ITGBL1: variants seen among roughly 807,000 people sequenced by gnomAD.
ITGBL1 encodes integrin subunit beta like 1, also known as integrin beta-like protein 1.
Under a neutral mutation model 68.5 loss-of-function variants are expected in ITGBL1, and 51 were observed. That is an observed-to-expected ratio of 0.74 (90% CI 0.59 to 0.94). ITGBL1 has a LOEUF of 0.94. Ranked by LOEUF, ITGBL1 falls within the 40% of genes least tolerant of loss-of-function variation. ITGBL1 has a pLI of 0.00. For synonymous variants in ITGBL1, 209 were observed against 227.3 expected, an observed-to-expected ratio of 0.92 and a Z score of 0.72; for missense variants, 649 against 647.4, an observed-to-expected ratio of 1.00 and a Z score of -0.03.
At chr13:101,574,533 C>A (rs889958830) in intron 3 of ITGBL1, among the ~76,000 whole-genome samples, 3 of 152,094 alleles carry the variant, frequency 2.0e-5, no homozygotes, top group African/African-American at 7.2e-5. Context: ...TTATGGCTGA[C>A]TTGATTCCCG....
intron 2 of ITGBL1, among the ~76,000 whole-genome samples, chr13:101,466,917 G>A (rs1450360777): frequency 6.6e-6 from 1 of 152,150 alleles, no homozygotes; most frequent in African/African-American, 2.4e-5. Flanking sequence ...ACCCTAGACT[G>A]AGTAATTTAG....
At chr13:101,712,353 T>C (rs1014282958) in intron 9 of ITGBL1, 9 of 152,226 alleles carry the variant, frequency 5.9e-5, no homozygotes, top group African/African-American at 2.2e-4. Flanking sequence ...ACTCATCAAA[T>C]GTTCTATCCA....
chr13:101,707,428 A>T (rs9557728), intron 9 of ITGBL1, among the ~76,000 whole-genome samples: 1 of 152,208 alleles, frequency 6.6e-6, no homozygotes, highest in Admixed American at 6.5e-5. Flanking sequence ...TAATTTTTTT[A>T]AAAAGGAAAG....
At chr13:101,606,591 A>G (rs1368190563) in intron 7 of ITGBL1, among the ~76,000 whole-genome samples, 2 of 46,332 alleles carry the variant, frequency 4.3e-5, no homozygotes, top group African/African-American at 1.8e-4. Context: ...CCTGAGCATC[A>G]GTTTGACTTT....
rs2050205583 is a variant in ITGBL1 at position 101,567,786 on chromosome 13, CA to C, written c.407del (p.Lys136ArgfsTer51). 2.5e-6 allele frequency: 4 copies of C among 1,613,204 alleles called. No individual in the cohort carries two copies. Among genetic ancestry groups the C allele is most frequent in the Non-Finnish European group, 3.4e-6 (4 of 1,179,456 alleles). On this transcript the variant is annotated frameshift_variant, in exon 3 of 11. Transcript: ENST00000376180. LOFTEE classifies it high-confidence loss of function. Reference sequence around the variant, plus strand: ...CAGTACCCAACTAACTGTGACTTGACAAAGAAGAAAAGTAACCAAATGTGCA... The same window carrying C: ...CAGTACCCAACTAACTGTGACTTGACAAGAAGAAAAGTAACCAAATGTGCA... ...ACQYPTNCDL[T>X]KKKSNQMCKN...
At chr13:101,500,675 G>A (rs1432559325) in intron 2 of ITGBL1, among the ~76,000 whole-genome samples, 1 of 152,140 alleles carries the variant, frequency 6.6e-6, no homozygotes, top group Non-Finnish European at 1.5e-5. Flanking sequence ...CATTTTTCCT[G>A]CACTTTCATG....
At chr13:101,620,212 A>G (rs2031530460) in intron 7 of ITGBL1, among the ~76,000 whole-genome samples, 1 of 152,138 alleles carries the variant, frequency 6.6e-6, no homozygotes, top group Admixed American at 6.6e-5. Flanking sequence ...AGATAAGTAG[A>G]TTCACATTTT....
At chr13:101,488,753 TG>T (rs1258761719) in intron 2 of ITGBL1, among the ~76,000 whole-genome samples, 1 of 152,182 alleles carries the variant, frequency 6.6e-6, no homozygotes, top group Non-Finnish European at 1.5e-5. Context: ...TGGAATTTTT[TG>T]TTTATGTGTG....
intron 2 of ITGBL1, among the ~76,000 whole-genome samples, chr13:101,471,329 A>G (rs1425440549): frequency 6.6e-6 from 1 of 152,134 alleles, no homozygotes; most frequent in Non-Finnish European, 1.5e-5. Context: ...TCTTTTTGTT[A>G]TCAGTATTAT....
chr13:101,585,301 C>T (rs1009152287), intron 6 of ITGBL1, among the ~76,000 whole-genome samples: 2 of 152,210 alleles, frequency 1.3e-5, no homozygotes, highest in South Asian at 2.1e-4. Flanking sequence ...AAGGGTAAGC[C>T]AAAGTTTATA....
chr13:101,485,339 G>A (rs1026721671), intron 2 of ITGBL1, among the ~76,000 whole-genome samples: 5 of 152,090 alleles, frequency 3.3e-5, no homozygotes, highest in African/African-American at 1.2e-4. Flanking sequence ...TTATTCACAT[G>A]TCTTTTAAAG....
At chr13:101,665,369 GT>G (rs1051854271) in intron 7 of ITGBL1, among the ~76,000 whole-genome samples, 3 of 151,426 alleles carry the variant, frequency 2.0e-5, no homozygotes, top group African/African-American at 4.8e-5. Flanking sequence ...CCTATTTTCT[GT>G]TTTTTATATG....
At chr13:101,493,543 C>T (rs1345221936) in intron 2 of ITGBL1, among the ~76,000 whole-genome samples, 1 of 151,880 alleles carries the variant, frequency 6.6e-6, no homozygotes, top group Non-Finnish European at 1.5e-5. Context: ...TTTCTTTGTC[C>T]GGGACGTGCT....
chr13:101,656,935 T>C (rs2032944095), intron 7 of ITGBL1, among the ~76,000 whole-genome samples: 1 of 151,560 alleles, frequency 6.6e-6, no homozygotes, highest in Admixed American at 6.6e-5. Flanking sequence ...CAGTATTGCT[T>C]CTATTTTTTT....
chr13:101,507,544 G>T (rs2049045996), intron 2 of ITGBL1, among the ~76,000 whole-genome samples: 2 of 152,082 alleles, frequency 1.3e-5, no homozygotes, highest in Non-Finnish European at 2.9e-5. Context: ...TGTGAGGCAA[G>T]AAAGCACCCA....
chr13:101,511,827 TC>T (rs2049120729), intron 2 of ITGBL1, among the ~76,000 whole-genome samples: 1 of 152,142 alleles, frequency 6.6e-6, no homozygotes, highest in South Asian at 2.1e-4. Flanking sequence ...GTGCCCAGAC[TC>T]CTGATCTGCA....
intron 2 of ITGBL1, among the ~76,000 whole-genome samples, chr13:101,469,942 T>G (rs976535763): frequency 1.3e-5 from 2 of 152,192 alleles, no homozygotes; most frequent in African/African-American, 2.4e-5. Flanking sequence ...TTGCTGCCTG[T>G]GTGATCTTGC....
At chr13:101,493,811 T>C (rs1174505705) in intron 2 of ITGBL1, among the ~76,000 whole-genome samples, 2 of 152,352 alleles carry the variant, frequency 1.3e-5, no homozygotes, top group East Asian at 3.9e-4. Context: ...TGATGTTTCT[T>C]CTTTGGGGAC....
chr13:101,519,857 A>C (rs1398833327), intron 2 of ITGBL1, among the ~76,000 whole-genome samples: 1 of 152,186 alleles, frequency 6.6e-6, no homozygotes, highest in Non-Finnish European at 1.5e-5. Flanking sequence ...TCATTTAGCA[A>C]ATGGGATAGA....
Sources: gnomAD v4.1 joint callset for allele counts (sites outside exome capture counted in the v4.1 genomes callset) on GRCh38, gnomAD v4.1.1 for gene constraint, MANE v1.5 for transcripts, NCBI Gene and HGNC (gene_info 2026-07-23, HGNC 2026-07-21) for gene names.